Variants in COMMD1 observed in about 807,000 individuals in gnomAD.
COMMD1 encodes COMM domain-containing protein 1.
A neutral mutation model predicts 17.2 loss-of-function variants in COMMD1; 10 were observed. That is an observed-to-expected ratio of 0.58 (90% CI 0.36 to 0.99). The LOEUF (loss-of-function observed/expected upper bound fraction) is 0.99. Ranked by LOEUF, COMMD1 falls within the 50% of genes least tolerant of loss-of-function variation. The pLI is 0.01. For synonymous variants in COMMD1, 97 were observed against 91.6 expected, an observed-to-expected ratio of 1.06 and a Z score of -0.34; for missense variants, 270 against 231.8, an observed-to-expected ratio of 1.17 and a Z score of -1.07.
intron 1 of COMMD1, among the ~76,000 whole-genome samples, chr2:61,989,768 A>G (rs1162757647): frequency 6.6e-6 from 1 of 152,140 alleles, no homozygotes; most frequent in African/African-American, 2.4e-5. Context: ...CCAGGCAACT[A>G]TTGATCTTTT....
chr2:62,081,253 ATTT>A (rs34994117), intron 2 of COMMD1, among the ~76,000 whole-genome samples: 3 of 141,550 alleles, frequency 2.1e-5, no homozygotes, highest in Non-Finnish European at 1.5e-5. Context: ...CTCAATCTAG[ATTT>A]TTTTTTTTTT....
intron 1 of COMMD1, among the ~76,000 whole-genome samples, chr2:61,963,489 G>T (rs1034020711): frequency 6.6e-6 from 1 of 152,054 alleles, no homozygotes; most frequent in African/African-American, 2.4e-5. Flanking sequence ...CCTGAGTGGT[G>T]CACACCACCA....
At chr2:62,123,522 G>GAA (rs200376990) in intron 2 of COMMD1, among the ~76,000 whole-genome samples, 2,520 of 117,466 alleles carry the variant, frequency 0.021, 117 homozygotes, top group African/African-American at 0.072. Flanking sequence ...TAAAAAAAAA[G>GAA]AAAAAAAAAA....
At chr2:62,014,948 A>G (rs1204707399) in intron 2 of COMMD1, among the ~76,000 whole-genome samples, 2 of 152,102 alleles carry the variant, frequency 1.3e-5, no homozygotes, top group East Asian at 3.9e-4. Context: ...CTTTTTTAAG[A>G]GATGGCAGTC....
At chr2:61,945,909 G>T (rs1326465564) in intron 1 of COMMD1, among the ~76,000 whole-genome samples, 1 of 152,162 alleles carries the variant, frequency 6.6e-6, no homozygotes, top group African/African-American at 2.4e-5. Flanking sequence ...CTTCCAGGTA[G>T]CGGGTTTTAG....
At chr2:62,075,085 C>T (rs1024060506) in intron 2 of COMMD1, among the ~76,000 whole-genome samples, 4 of 151,868 alleles carry the variant, frequency 2.6e-5, no homozygotes, top group South Asian at 2.1e-4. Context: ...GACAGGGTTT[C>T]GCCATGTAGA....
At chr2:62,053,203 G>T in intron 2 of COMMD1, among the ~76,000 whole-genome samples, 1 of 152,158 alleles carries the variant, frequency 6.6e-6, no homozygotes. Context: ...GAGTGTAGGA[G>T]CAGGATACTA....
At chr2:62,093,336 C>T (rs1006313471) in intron 2 of COMMD1, among the ~76,000 whole-genome samples, 1 of 152,266 alleles carries the variant, frequency 6.6e-6, no homozygotes, top group Admixed American at 6.5e-5. Context: ...GTACATCAAG[C>T]GTATACCTTT....
rs1353685491 is a variant in COMMD1 at position 62,061,568 on chromosome 2, T to G, written c.462+60586T>G. 2.0e-5 allele frequency among the ~76,000 whole-genome samples: 3 copies of G among 149,846 alleles called. No homozygotes were observed. The East Asian group carries it at 5.8e-4, about 29-fold the overall frequency. On this transcript the variant is annotated intron_variant, in intron 2 of 2. Transcript: ENST00000311832. ...TTCTTTCTTTTCTTTTTTTTTTTTTTTTTTTGAGACGGAATCTAGCTCTGT... is the reference window on the plus strand; with the variant it reads ...TTCTTTCTTTTCTTTTTTTTTTTTTGTTTTTGAGACGGAATCTAGCTCTGT...
chr2:62,105,562 G>C (rs1672307233), intron 2 of COMMD1, among the ~76,000 whole-genome samples: 1 of 152,146 alleles, frequency 6.6e-6, no homozygotes, highest in Non-Finnish European at 1.5e-5. Context: ...GGTGGCTCAC[G>C]CCTATAATCC....
At chr2:61,917,975 G>A (rs1416015519) in intron 1 of COMMD1, among the ~76,000 whole-genome samples, 1 of 152,156 alleles carries the variant, frequency 6.6e-6, no homozygotes, top group Admixed American at 6.5e-5. Context: ...ATACTTTTAG[G>A]TTTCATTTGT....
intron 2 of COMMD1, among the ~76,000 whole-genome samples, chr2:62,025,999 A>C (rs1218710374): frequency 6.6e-6 from 1 of 152,090 alleles, no homozygotes; most frequent in East Asian, 1.9e-4. Context: ...TGGCCAGGAT[A>C]CACTGTTCTT....
At chr2:62,033,763 G>A (rs938945612) in intron 2 of COMMD1, among the ~76,000 whole-genome samples, 4 of 152,106 alleles carry the variant, frequency 2.6e-5, no homozygotes, top group African/African-American at 9.7e-5. Context: ...TCATCAAATG[G>A]TGTGACTGCC....
intron 1 of COMMD1, among the ~76,000 whole-genome samples, chr2:61,997,343 G>C (rs925445473): frequency 4.6e-5 from 7 of 151,282 alleles, no homozygotes; most frequent in African/African-American, 1.5e-4. Context: ...TTATAGGCTT[G>C]AGCCACTATG....
At chr2:62,016,784 GC>G (rs1307485868) in intron 2 of COMMD1, among the ~76,000 whole-genome samples, 1 of 152,050 alleles carries the variant, frequency 6.6e-6, no homozygotes, top group Admixed American at 6.6e-5. Flanking sequence ...AGAAGTCATT[GC>G]CAAATCCAAT....
intron 1 of COMMD1, among the ~76,000 whole-genome samples, chr2:61,918,992 GTGC>G: frequency 6.6e-6 from 1 of 152,192 alleles, no homozygotes; most frequent in East Asian, 1.9e-4. Context: ...TCTGTTACCT[GTGC>G]TTTATTTGTA....
At chr2:61,898,841 A>G (rs1271104541) in intron 1 of COMMD1, among the ~76,000 whole-genome samples, 3 of 152,152 alleles carry the variant, frequency 2.0e-5, no homozygotes, top group Non-Finnish European at 4.4e-5. Flanking sequence ...CTTGCCTTAG[A>G]CAATTCTTTT....
At chr2:62,084,278 G>T (rs1424286547) in intron 2 of COMMD1, among the ~76,000 whole-genome samples, 1 of 152,078 alleles carries the variant, frequency 6.6e-6, no homozygotes, top group East Asian at 1.9e-4. Flanking sequence ...ACTACTAATA[G>T]CCAGAAGTAG....
At chr2:61,941,937 C>T (rs1395542171) in intron 1 of COMMD1, among the ~76,000 whole-genome samples, 2 of 152,286 alleles carry the variant, frequency 1.3e-5, no homozygotes, top group East Asian at 3.9e-4. Context: ...TGACTATCTT[C>T]TTGGTAACCA....
Sources: allele counts gnomAD v4.1 joint callset (sites outside exome capture counted in the v4.1 genomes callset), GRCh38; gene constraint gnomAD v4.1.1; transcripts MANE v1.5; gene names NCBI Gene and HGNC (gene_info 2026-07-23, HGNC 2026-07-21).